KHDRBS1: variants seen among roughly 807,000 people sequenced by gnomAD.
KHDRBS1 encodes KH RNA binding domain containing, signal transduction associated 1, also known as KH domain-containing, RNA-binding, signal transduction-associated protein 1.
In KHDRBS1, 7 loss-of-function variants were observed where a neutral mutation model predicts 48.4. The observed-to-expected ratio is 0.14, with a 90% CI of 0.08 to 0.27. KHDRBS1 has a LOEUF of 0.27. Ranked by LOEUF, KHDRBS1 falls within the 10% of genes least tolerant of loss-of-function variation. The pLI, the probability that KHDRBS1 is intolerant of heterozygous loss-of-function variation, is 1.00. For missense variants in KHDRBS1, 458 were observed against 601.2 expected (o/e 0.76, Z 2.49); for synonymous variants, 241 against 235.8 (o/e 1.02, Z -0.20).
chr1:32,047,656 T>G (rs1178589805), downstream of KHDRBS1, among the ~76,000 whole-genome samples: 1 of 152,218 alleles, frequency 6.6e-6, no homozygotes, highest in African/African-American at 2.4e-5. Context: ...CTAACAGAGT[T>G]AGTAAGTATC....
At chr1:32,031,996 C>T (rs1014341856) in intron 3 of KHDRBS1, among the ~76,000 whole-genome samples, 5 of 152,138 alleles carry the variant, frequency 3.3e-5, no homozygotes, top group Non-Finnish European at 5.9e-5. Context: ...ATGCAAATAG[C>T]ACACCCCCTT....
At chr1:32,014,691 A>C (rs1638700979) in intron 1 of KHDRBS1, among the ~76,000 whole-genome samples, 1 of 152,144 alleles carries the variant, frequency 6.6e-6, no homozygotes, top group African/African-American at 2.4e-5. Flanking sequence ...CCGGGCGCGC[A>C]GATTCTTCCA....
Position 32,038,533 on chromosome 1 carries a change from TTTG to T in KHDRBS1, c.1108-7_1108-5del, listed in dbSNP as rs769552493. 1.7e-5 allele frequency: 27 copies of T among 1,611,536 alleles called. No individual in the cohort carries two copies. Among genetic ancestry groups the T allele is most frequent in the South Asian group, 1.3e-4 (12 of 90,974 alleles). On this transcript the variant is annotated splice_polypyrimidine_tract_variant and intron_variant, in intron 6 of 8. Transcript: ENST00000327300. ...TGATTTTGATCTTTTATTTCATTTT[TTTG>T]TTGTTGTTGTTCTAGGGATATGATG...
intron 1 of KHDRBS1, among the ~76,000 whole-genome samples, chr1:32,023,930 A>T (rs1638911194): frequency 1.3e-5 from 2 of 152,342 alleles, no homozygotes; most frequent in Non-Finnish European, 2.9e-5. Flanking sequence ...ACACACACTC[A>T]TCAAGAGACA....
chr1:32,029,651 C>G (rs953952299), intron 1 of KHDRBS1, among the ~76,000 whole-genome samples: 3 of 152,102 alleles, frequency 2.0e-5, no homozygotes, highest in African/African-American at 7.2e-5. Context: ...GAGCGAAACT[C>G]CATTTCAAAA....
chr1:32,040,179 C>T (rs577267209), intron 8 of KHDRBS1, among the ~76,000 whole-genome samples: 14 of 152,092 alleles, frequency 9.2e-5, no homozygotes, highest in South Asian at 4.1e-4. Flanking sequence ...TTTGCGAGGC[C>T]GAGGCAGGCG....
chr1:32,038,194 A>AT (rs1639221252), intron 6 of KHDRBS1, 158 bp downstream of exon 6: 1 of 1,206,090 alleles, frequency 8.3e-7, no homozygotes, highest in South Asian at 1.6e-5. Context: ...CTATTAGAAG[A>AT]TTTTTCCATT....
downstream of KHDRBS1, among the ~76,000 whole-genome samples, chr1:32,046,240 AG>A (rs968059531): frequency 8.1e-5 from 12 of 148,536 alleles, no homozygotes; most frequent in Non-Finnish European, 1.5e-5. Context: ...TTTGAGACGG[AG>A]CCCTGCTCCA....
intron 1 of KHDRBS1, among the ~76,000 whole-genome samples, chr1:32,015,859 A>G (rs959570208): frequency 4.6e-5 from 7 of 152,218 alleles, no homozygotes; most frequent in African/African-American, 1.4e-4. Context: ...TTGAGAAGAT[A>G]GAATAGTAGT....
chr1:32,054,888 A>G (rs1639462130), intron 10 of KHDRBS1, among the ~76,000 whole-genome samples: 1 of 152,182 alleles, frequency 6.6e-6, no homozygotes, highest in Admixed American at 6.5e-5. Context: ...AGAATTATAC[A>G]GTATCTCATT....
intron 1 of KHDRBS1, among the ~76,000 whole-genome samples, chr1:32,023,801 C>T (rs1569775577): frequency 6.6e-6 from 1 of 152,288 alleles, no homozygotes; most frequent in Non-Finnish European, 1.5e-5. Flanking sequence ...ACATCTGAGA[C>T]ACCCATAAAG....
At chr1:32,019,198 G>A (rs145398278) in intron 1 of KHDRBS1, among the ~76,000 whole-genome samples, 1 of 152,302 alleles carries the variant, frequency 6.6e-6, no homozygotes, top group African/African-American at 2.4e-5. Context: ...GGTGTACCTT[G>A]TTCACAAAAC....
intron 1 of KHDRBS1, among the ~76,000 whole-genome samples, chr1:32,018,106 T>C (rs1015537879): frequency 2.6e-5 from 4 of 152,174 alleles, no homozygotes; most frequent in African/African-American, 9.7e-5. Context: ...CAGTATTCTC[T>C]AGAAATACAT....
In KHDRBS1 at chr1:32,039,562, A is replaced by T; in HGVS notation, c.1223A>T (p.Tyr408Phe). The T allele has an allele frequency of 6.6e-7, 1 of 1,505,598 alleles. No individual in the cohort carries two copies. The highest frequency in any genetic ancestry group is 9.2e-7 in the Non-Finnish European group (1 of 1,081,094). The allele number at this position is 1,505,598 out of a possible 1,614,324, so 93.3% of individuals were successfully genotyped here. Reference protein sequence around the residue: ...DYGHGEVQDSYEAYGQDDWNG... With the variant: ...DYGHGEVQDSFEAYGQDDWNG... The stretch of plus-strand genomic sequence containing the variant: ...GGACATGGGGAGGTTCAAGATTCTT[A>T]TGAAGCTTATGGTATGTCTTTATCT... Residue 408 changes from tyrosine (Y) to phenylalanine (F), a missense_variant, in exon 8 of 9, where the codon TAT (tyrosine) becomes TTT (phenylalanine). Transcript: ENST00000327300.
At chr1:32,018,738 C>A (rs1638794902) in intron 1 of KHDRBS1, among the ~76,000 whole-genome samples, 3 of 150,900 alleles carry the variant, frequency 2.0e-5, no homozygotes, top group Admixed American at 2.0e-4. Context: ...GCCTGGGGGA[C>A]AGAGTGAGAC....
At chr1:32,057,698 C>T (rs1639495694) in intron 10 of KHDRBS1, among the ~76,000 whole-genome samples, 1 of 151,188 alleles carries the variant, frequency 6.6e-6, no homozygotes, top group South Asian at 2.1e-4. Flanking sequence ...ACTCGGGAGG[C>T]TGAGGCAGGA....
At chr1:32,055,287 A>C (rs563832177) in intron 10 of KHDRBS1, among the ~76,000 whole-genome samples, 71 of 152,252 alleles carry the variant, frequency 4.7e-4, no homozygotes, top group Admixed American at 7.2e-4. Flanking sequence ...ACCTCTACTA[A>C]AAATACAAAA....
chr1:32,033,948 C>T (rs1431102245), intron 4 of KHDRBS1, among the ~76,000 whole-genome samples: 1 of 152,152 alleles, frequency 6.6e-6, no homozygotes. Flanking sequence ...GCCAGTTTAT[C>T]TATCTTGCTT....
chr1:32,022,232 C>G (rs1035755190), intron 1 of KHDRBS1, among the ~76,000 whole-genome samples: 1 of 151,036 alleles, frequency 6.6e-6, no homozygotes, highest in Non-Finnish European at 1.5e-5. Flanking sequence ...AGGATAGTCT[C>G]GATCTCCTGC....
Sources: gnomAD v4.1 joint callset for allele counts (sites outside exome capture counted in the v4.1 genomes callset) on GRCh38, gnomAD v4.1.1 for gene constraint, MANE v1.5 for transcripts, NCBI Gene and HGNC (gene_info 2026-07-23, HGNC 2026-07-21) for gene names.